CACNA2D3: variants seen among roughly 807,000 people sequenced by gnomAD.
The protein encoded by CACNA2D3 is calcium voltage-gated channel auxiliary subunit alpha2delta 3.
CACNA2D3 carries 60 observed loss-of-function variants against 160.6 expected under a neutral mutation model. That is an observed-to-expected ratio of 0.37 (90% CI 0.30 to 0.46). The LOEUF (loss-of-function observed/expected upper bound fraction) is 0.46. Ranked by LOEUF, CACNA2D3 falls within the 20% of genes least tolerant of loss-of-function variation. The probability of loss-of-function intolerance (pLI) is 1.00; values close to 1 mark genes in which losing one functional copy is unlikely to be tolerated. For synonymous variants in CACNA2D3, 558 were observed against 492.9 expected (o/e 1.13, Z -1.75); for missense variants, 1,205 against 1,365.0 (o/e 0.88, Z 1.85).
intron 3 of CACNA2D3, among the ~76,000 whole-genome samples, chr3:54,383,933 A>T (rs1451661404): frequency 1.3e-5 from 2 of 152,224 alleles, no homozygotes; most frequent in Non-Finnish European, 2.9e-5. Flanking sequence ...ATATAGGAAT[A>T]TGTTACATAG....
rs1022825778 is a variant in CACNA2D3 at position 54,248,050 on chromosome 3, G to A, written c.205-72392G>A. On this transcript the variant is annotated intron_variant, in intron 2 of 37. Transcript: ENST00000474759. ...CCTGGATGAGAATGGGAATGTTACT[G>A]TAAGCTGTTATGGACTCAGTTGTGT... Among the ~76,000 whole-genome samples, 6 of 152,342 alleles carry A rather than the reference G, an allele frequency of 3.9e-5. No individual in the cohort carries two copies. In the South Asian group the frequency reaches 8.3e-4, roughly 21 times the overall value.
intron 11 of CACNA2D3, among the ~76,000 whole-genome samples, chr3:54,645,403 T>G (rs1351931538): frequency 6.6e-6 from 1 of 152,044 alleles, no homozygotes; most frequent in African/African-American, 2.4e-5. Flanking sequence ...AATTTTAGAG[T>G]TGTAGTTTCT....
chr3:54,358,105 A>T (rs1698680310), intron 3 of CACNA2D3, among the ~76,000 whole-genome samples: 1 of 152,226 alleles, frequency 6.6e-6, no homozygotes, highest in Non-Finnish European at 1.5e-5. Flanking sequence ...ACATTAATGC[A>T]AGATGTGAAG....
intron 11 of CACNA2D3, among the ~76,000 whole-genome samples, chr3:54,717,741 T>G (rs1395632934): frequency 2.3e-5 from 3 of 132,744 alleles, no homozygotes; most frequent in African/African-American, 8.4e-5. Context: ...TGTGTGCATG[T>G]GTGGTGTGGT....
intron 27 of CACNA2D3, among the ~76,000 whole-genome samples, chr3:54,931,456 C>G (rs1303043286): frequency 6.6e-6 from 1 of 152,144 alleles, no homozygotes; most frequent in African/African-American, 2.4e-5. Flanking sequence ...CCTTTTCTTT[C>G]TCCCTCCCTC....
chr3:54,142,348 G>A (rs1294095217), intron 2 of CACNA2D3, among the ~76,000 whole-genome samples: 1 of 152,168 alleles, frequency 6.6e-6, no homozygotes, highest in South Asian at 2.1e-4. Flanking sequence ...CTTTAGTTCA[G>A]CAAAGAGCTT....
chr3:54,400,328 G>A (rs1386815450), intron 4 of CACNA2D3, among the ~76,000 whole-genome samples: 1 of 151,984 alleles, frequency 6.6e-6, no homozygotes, highest in Non-Finnish European at 1.5e-5. Context: ...TCCTCCGAGA[G>A]TGAACCTTCA....
intron 14 of CACNA2D3, 133 bp downstream of exon 14, chr3:54,817,003 TG>T: frequency 1.9e-6 from 2 of 1,078,748 alleles, no homozygotes; most frequent in Non-Finnish European, 2.7e-6. Context: ...AACCTGAAGT[TG>T]GGCAGGAACA....
chr3:54,174,144 C>A (rs1240000932), intron 2 of CACNA2D3, among the ~76,000 whole-genome samples: 1 of 152,114 alleles, frequency 6.6e-6, no homozygotes, highest in Non-Finnish European at 1.5e-5. Flanking sequence ...GCCTGTATTC[C>A]AGTACAATTT....
In CACNA2D3 at chr3:54,692,269, C is replaced by T. The variant is rs1000792958; in HGVS notation, c.1167+50028C>T. On this transcript the variant is annotated intron_variant, in intron 11 of 37. Transcript: ENST00000474759. ...GATTACAGGCATGTGTGAGCCACCA[C>T]GCCCAGCCAGTAATATTAATTTCTT... Among the ~76,000 whole-genome samples, 9 of 152,200 alleles carry T rather than the reference C, an allele frequency of 5.9e-5. 1 individual carries two copies. The highest frequency in any genetic ancestry group is 8.8e-5 in the Non-Finnish European group (6 of 68,050).
intron 5 of CACNA2D3, among the ~76,000 whole-genome samples, chr3:54,533,520 C>T (rs891882629): frequency 6.6e-6 from 1 of 151,556 alleles, no homozygotes; most frequent in Non-Finnish European, 1.5e-5. Context: ...TTTTTAATAG[C>T]GATGGGGTTT....
At chr3:54,249,889 TA>T (rs1702153904) in intron 2 of CACNA2D3, among the ~76,000 whole-genome samples, 1 of 152,138 alleles carries the variant, frequency 6.6e-6, no homozygotes, top group Non-Finnish European at 1.5e-5. Context: ...TGAAAACAAT[TA>T]TGCCATGATG....
At chr3:54,888,929 A>G (rs950253755) in intron 24 of CACNA2D3, among the ~76,000 whole-genome samples, 3 of 152,240 alleles carry the variant, frequency 2.0e-5, no homozygotes, top group Non-Finnish European at 4.4e-5. Context: ...CCTGTGGTAT[A>G]TAGTGTGCTG....
chr3:54,896,197 A>G (rs898707427), intron 25 of CACNA2D3, among the ~76,000 whole-genome samples: 1 of 152,180 alleles, frequency 6.6e-6, no homozygotes, highest in Non-Finnish European at 1.5e-5. Context: ...GCGGGGATGC[A>G]CACAGGGGGC....
intron 2 of CACNA2D3, among the ~76,000 whole-genome samples, chr3:54,186,388 C>T (rs1243669707): frequency 6.6e-6 from 1 of 152,058 alleles, no homozygotes; most frequent in Non-Finnish European, 1.5e-5. Flanking sequence ...ATATATGCAT[C>T]TTGGGTGAAG....
At chr3:54,128,945 T>C (rs935380115) in intron 2 of CACNA2D3, among the ~76,000 whole-genome samples, 34 of 152,238 alleles carry the variant, frequency 2.2e-4, no homozygotes, top group African/African-American at 8.0e-4. Context: ...GTGAAGCTTT[T>C]GTGTATCATT....
chr3:54,743,986 C>T (rs1701701903), intron 11 of CACNA2D3, among the ~76,000 whole-genome samples: 1 of 152,178 alleles, frequency 6.6e-6, no homozygotes, highest in Admixed American at 6.5e-5. Context: ...TCTGTCTGTC[C>T]CTTCCATCCC....
At chr3:54,666,519 C>T (rs1472654257) in intron 11 of CACNA2D3, among the ~76,000 whole-genome samples, 3 of 152,152 alleles carry the variant, frequency 2.0e-5, no homozygotes, top group Admixed American at 6.5e-5. Context: ...AATGAAGATG[C>T]TCTGTGTGCA....
intron 2 of CACNA2D3, among the ~76,000 whole-genome samples, chr3:54,179,562 C>T (rs1700743158): frequency 6.6e-6 from 1 of 152,190 alleles, no homozygotes; most frequent in African/African-American, 2.4e-5. Context: ...GGACTGAATG[C>T]TTATGTTCCC....
Sources: gnomAD v4.1 joint callset for allele counts (sites outside exome capture counted in the v4.1 genomes callset) on GRCh38, gnomAD v4.1.1 for gene constraint, MANE v1.5 for transcripts, NCBI Gene and HGNC (gene_info 2026-07-23, HGNC 2026-07-21) for gene names.